Variants in ELP2 observed in about 807,000 individuals in gnomAD.
ELP2 encodes the protein elongator acetyltransferase complex subunit 2.
Under a neutral mutation model 119.2 loss-of-function variants are expected in ELP2, and 90 were observed. That is an observed-to-expected ratio of 0.75 (90% CI 0.64 to 0.90). The LOEUF is 0.90. ELP2 is among the 40% of genes least tolerant of loss of function. The pLI, the probability that ELP2 is intolerant of heterozygous loss-of-function variation, is 0.00. For missense variants in ELP2, 921 were observed against 967.8 expected (o/e 0.95, Z 0.64); for synonymous variants, 339 against 331.0 (o/e 1.02, Z -0.26).
Position 36,174,567 on chromosome 18 carries a change from G to A in ELP2, c.2407G>A (p.Glu803Lys), listed in dbSNP as rs368547702. ...KTEQKEAEGA[E>K]WLHFASCGED... ...TGAACAGAAGGAAGCAGAAGGTGCT[G>A]AGTGGTTACACTTTGCAAGCTGTGG... Residue 803 changes from glutamate (E) to lysine (K), a missense_variant, in exon 22 of 22, where the codon GAG becomes AAG. Physicochemically the swap from Glu to Lys is moderately conservative, Grantham distance 56. Transcript: ENST00000358232. 5 of 1,613,958 alleles carry A rather than the reference G, an allele frequency of 3.1e-6. No individual in the cohort carries two copies. Among genetic ancestry groups the A allele is most frequent in the Non-Finnish European group, 4.2e-6 (5 of 1,179,938 alleles).
At chr18:36,135,538 A>G (rs2089793621) in intron 2 of ELP2, among the ~76,000 whole-genome samples, 1 of 152,196 alleles carries the variant, frequency 6.6e-6, no homozygotes, top group African/African-American at 2.4e-5. Flanking sequence ...TGAAACAAAT[A>G]AAAAGAAAAT....
chr18:36,174,738 G>GT lies in ELP2; in HGVS notation c.*111dup, dbSNP rs367806683. On this transcript the variant is annotated 3_prime_UTR_variant, in exon 22 of 22. Coordinates refer to ENST00000358232, the MANE Select transcript of ELP2 (RefSeq NM_018255.4). Reference sequence around the variant, plus strand: ...CTTCATAACTGAATTGAGTTTCTGGGTTTTTTTTTTTTTTGAGATGGAGTC... The same window carrying GT: ...CTTCATAACTGAATTGAGTTTCTGGGTTTTTTTTTTTTTTTGAGATGGAGTC... 167,248 of 913,580 alleles carry GT rather than the reference G, an allele frequency of 0.18. 26 individuals are homozygous for GT. Among genetic ancestry groups the GT allele is most frequent in the South Asian group, 0.25 (13,668 of 55,694 alleles). 56.6% of individuals were successfully genotyped at this position (913,580 alleles called of 1,614,324 possible).
rs774679293 is a variant in ELP2, at chr18:36,174,502, C to G, written c.2342C>G (p.Ala781Gly). The G allele has an allele frequency of 6.2e-7, 1 of 1,614,002 alleles. No homozygotes were observed. The highest frequency in any genetic ancestry group is 1.1e-5 in the South Asian group (1 of 91,064). ...ETSQSQSHTL[A>G]IRKLCWKNCS... The stretch of plus-strand genomic sequence containing the variant: ...TGTTTTAGCCAAAGTCATACACTGG[C>G]TATCAGAAAATTATGCTGGAAGAAT... The change falls in exon 22 of 22, where the codon GCT becomes GGT. Residue 781 changes from alanine (A) to glycine (G), a missense_variant. Transcript: ENST00000358232.
In ELP2 at chr18:36,174,804, CTCTT is replaced by C; in HGVS notation, c.*168_*171del. The stretch of plus-strand genomic sequence containing the variant: ...CTCCACCTCCCAGGTTCAAGCGATT[CTCTT>C]TCTTCAGCCTCCTGAGTAGCTGGGA... On this transcript the variant is annotated 3_prime_UTR_variant, in exon 22 of 22. Coordinates refer to ENST00000358232, the MANE Select transcript of ELP2 (RefSeq NM_018255.4). The C allele has an allele frequency of 1.5e-6, 1 of 653,456 alleles. No individual in the cohort carries two copies. Among genetic ancestry groups the C allele is most frequent in the Non-Finnish European group, 2.6e-6 (1 of 385,938 alleles). 40.5% of individuals were successfully genotyped at this position (653,456 alleles called of 1,614,324 possible).
chr18:36,139,045 T>C (rs554004099), intron 5 of ELP2, among the ~76,000 whole-genome samples, 173 bp downstream of exon 5: 7 of 152,286 alleles, frequency 4.6e-5, no homozygotes, highest in Admixed American at 3.3e-4. Flanking sequence ...GTATAGAACA[T>C]AAAGTTAAGG....
chr18:36,146,058 T>C lies in ELP2; in HGVS notation c.993+10T>C, dbSNP rs755643427. 1.2e-6 allele frequency: 2 copies of C among 1,612,132 alleles called. No individual in the cohort carries two copies. Among genetic ancestry groups the C allele is most frequent in the South Asian group, 1.1e-5 (1 of 91,052 alleles). On this transcript the variant is annotated intron_variant, in intron 10 of 21. Coordinates refer to ENST00000358232, the MANE Select transcript of ELP2 (RefSeq NM_018255.4). ...AGTTTGGCTAGAACAGGTAAAAATG[T>C]TGGATATTTAAGGAACAGAAAATTA... is the stretch of plus-strand genomic sequence containing the variant.
At chr18:36,160,323 A>T (rs1020144493) in intron 16 of ELP2, among the ~76,000 whole-genome samples, 3 of 152,062 alleles carry the variant, frequency 2.0e-5, no homozygotes, top group African/African-American at 7.2e-5. Context: ...ACCTGTAATC[A>T]TAGCACTTTG....
At chr18:36,164,045 C>T (rs983689166) in intron 17 of ELP2, among the ~76,000 whole-genome samples, 3 of 152,068 alleles carry the variant, frequency 2.0e-5, no homozygotes, top group Non-Finnish European at 4.4e-5. Flanking sequence ...ATGCAATATG[C>T]CTGTCATTCA....
intron 17 of ELP2, among the ~76,000 whole-genome samples, chr18:36,161,485 C>G (rs1056420951): frequency 2.0e-5 from 3 of 152,094 alleles, no homozygotes. Flanking sequence ...AAGAGGAAAC[C>G]TGGAGTGAAA....
chr18:36,176,337 C>G lies in ELP2; in HGVS notation c.*1696C>G, dbSNP rs566279992. 3.9e-5 allele frequency: 6 copies of G among 152,336 alleles called. No homozygotes were observed. The East Asian group carries it at 1.2e-3, about 29-fold the overall frequency. The allele number at this position is 152,336 out of a possible 1,614,324, so 9.4% of individuals were successfully genotyped here. ...GGCAGTGAGCATCTGAGCTTTGAACCTCAAAGACCAAAATGCCCTGCCCAT... is the reference window on the plus strand; with the variant it reads ...GGCAGTGAGCATCTGAGCTTTGAACGTCAAAGACCAAAATGCCCTGCCCAT... On this transcript the variant is annotated 3_prime_UTR_variant, in exon 22 of 22. Transcript: ENST00000358232.
chr18:36,130,489 A>G (rs1266833048), intron 1 of ELP2, among the ~76,000 whole-genome samples: 1 of 152,164 alleles, frequency 6.6e-6, no homozygotes, highest in East Asian at 1.9e-4. Context: ...TGGTTAATGA[A>G]CTTTTGTTGT....
intron 5 of ELP2, chr18:36,139,791 T>C (rs2089958808): frequency 2.4e-6 from 1 of 409,312 alleles, no homozygotes; most frequent in African/African-American, 2.1e-5. Context: ...TTTTTTATCT[T>C]ATTAAAATAA....
chr18:36,144,981 C>T lies in ELP2; in HGVS notation c.839C>T (p.Ala280Val), dbSNP rs1598761203. Residue 280 changes from alanine to valine, a missense_variant, in exon 9 of 22, where the codon GCC becomes GTC. Transcript: ENST00000358232. The part of the protein sequence containing the change: ...AFAVTLETVL[A>V]GHENWVNAVH... ...GCTGTTACTCTGGAGACAGTGCTAGCCGGTCATGAAAACTGGGTAAATGCA... is the reference window on the plus strand; with the variant it reads ...GCTGTTACTCTGGAGACAGTGCTAGTCGGTCATGAAAACTGGGTAAATGCA... The T allele has an allele frequency of 1.2e-6, 2 of 1,613,936 alleles. No individual in the cohort carries two copies. Among genetic ancestry groups the T allele is most frequent in the South Asian group, 2.2e-5 (2 of 91,074 alleles).
chr18:36,166,007 T>C (rs1052331866), intron 18 of ELP2, among the ~76,000 whole-genome samples: 8 of 151,880 alleles, frequency 5.3e-5, no homozygotes, highest in African/African-American at 1.9e-4. Context: ...CTGGCCAATA[T>C]GGTGAAACCC....
chr18:36,155,269 C>G lies in ELP2; in HGVS notation c.1275+270C>G, dbSNP rs929130454. On this transcript the variant is annotated intron_variant, in intron 12 of 21. Coordinates refer to ENST00000358232, the MANE Select transcript of ELP2 (RefSeq NM_018255.4). ...CTCAGGTGATGCACCGCCCCTCCCC[C>G]CCCCCCGCCTCCCAAAGTGCTGGGT... Among the ~76,000 whole-genome samples, 10 of 143,628 alleles carry G rather than the reference C, an allele frequency of 7.0e-5. 1 individual carries two copies. The highest frequency in any genetic ancestry group is 3.5e-3 in the Middle Eastern group (1 of 288). The allele number at this position is 143,628 out of a possible 152,430, so 94.2% of individuals were successfully genotyped here.
In ELP2 at chr18:36,166,319, G is replaced by GTTTTTTTTTTTTTTTTTTTTTTTTTTTT. The variant is rs60477950; in HGVS notation, c.1955-781_1955-754dup. Among the ~76,000 whole-genome samples the GTTTTTTTTTTTTTTTTTTTTTTTTTTTT allele has an allele frequency of 2.8e-5, 2 of 71,650 alleles. 1 individual carries two copies. The highest frequency in any genetic ancestry group is 1.1e-4 in the African/African-American group (2 of 17,934). The allele number at this position is 71,650 out of a possible 152,430, so 47.0% of individuals were successfully genotyped here. ...AGTTATGTGGTTTTTGTTTTTTAGGGTTTTTTTTTTTTTTTTTTTTTTTTT... is the reference window on the plus strand; with the variant it reads ...AGTTATGTGGTTTTTGTTTTTTAGGGTTTTTTTTTTTTTTTTTTTTTTTTTTTTTTTTTTTTTTTTTTTTTTTTTTTTT... On this transcript the variant is annotated intron_variant, in intron 18 of 21. Transcript: ENST00000358232.
chr18:36,161,956 G>C lies in ELP2; in HGVS notation c.1761+952G>C, dbSNP rs139885001. 4.8e-3 allele frequency among the ~76,000 whole-genome samples: 732 copies of C among 152,228 alleles called. 8 individuals are homozygous for C. Among genetic ancestry groups the C allele is most frequent in the African/African-American group, 0.017 (697 of 41,522 alleles). On this transcript the variant is annotated intron_variant, in intron 17 of 21. Coordinates refer to ENST00000358232, the MANE Select transcript of ELP2 (RefSeq NM_018255.4). ...GAGCAGATAATTTGTTTCTAACTTA[G>C]GGCACTGTCAATCCTGTAATTGATT...
In ELP2 at chr18:36,156,474, G is replaced by A; in HGVS notation, c.1284G>A (p.Trp428Ter). ...WKRKDQSQVT[W>*]HEIARPQIHG... is the part of the protein sequence containing the mutation. ...TATCCCGTTTTACCCAGGTGACTTG[G>A]CATGAAATTGCAAGGCCTCAGATAC... The change falls in exon 13 of 22, where the codon TGG becomes TGA. Residue 428 changes from tryptophan to a stop codon, truncating the protein, a stop_gained. Coordinates refer to ENST00000358232, the MANE Select transcript of ELP2 (RefSeq NM_018255.4). LOFTEE classifies it high-confidence loss of function. The A allele has an allele frequency of 6.2e-7, 1 of 1,614,014 alleles. No homozygotes were observed. The highest frequency in any genetic ancestry group is 1.1e-5 in the South Asian group (1 of 91,080).
At chr18:36,158,021 T>C (rs1472669275) in intron 13 of ELP2, among the ~76,000 whole-genome samples, 2 of 152,176 alleles carry the variant, frequency 1.3e-5, no homozygotes, top group Non-Finnish European at 2.9e-5. Context: ...TGGGTTTTGC[T>C]CCCATACTAA....
Sources: allele counts gnomAD v4.1 joint callset (sites outside exome capture counted in the v4.1 genomes callset), GRCh38; gene constraint gnomAD v4.1.1; transcripts MANE v1.5; gene names NCBI Gene and HGNC (gene_info 2026-07-23, HGNC 2026-07-21).